Variants in CSTPP1 observed in about 807,000 individuals in gnomAD.
CSTPP1 encodes UPF0705 protein C11orf49.
chr11:46,965,819 G>T, the CSTPP1 span, among the ~76,000 whole-genome samples: 2 of 152,168 alleles, frequency 1.3e-5, no homozygotes, highest in Non-Finnish European at 2.9e-5. Context: ...TTACAGGTTA[G>T]TTGCATTGTG....
chr11:46,949,092 T>G, the CSTPP1 span, among the ~76,000 whole-genome samples: 1 of 151,796 alleles, frequency 6.6e-6, no homozygotes, highest in African/African-American at 2.4e-5. Flanking sequence ...AAGATAAACT[T>G]GTGGAGTTCC....
the CSTPP1 span, among the ~76,000 whole-genome samples, chr11:47,106,349 AGT>A: frequency 1.3e-5 from 2 of 152,230 alleles, no homozygotes; most frequent in Admixed American, 1.3e-4. Context: ...AAAGGATGAA[AGT>A]GAAACAGCTA....
chr11:47,073,943 G>A, the CSTPP1 span, among the ~76,000 whole-genome samples: 149,995 of 152,320 alleles, frequency 0.98, 73,898 homozygotes, highest in Middle Eastern at 1. Flanking sequence ...GTGTAACACT[G>A]TCATCTCTGT....
chr11:46,989,160 G>T, the CSTPP1 span, among the ~76,000 whole-genome samples: 5 of 151,924 alleles, frequency 3.3e-5, no homozygotes. Flanking sequence ...AACCCAGTAG[G>T]CAGAGGTGGC....
chr11:47,041,588 G>T, the CSTPP1 span: 1 of 405,238 alleles, frequency 2.5e-6, no homozygotes, highest in Non-Finnish European at 5.0e-6. Context: ...TTGATGCCGG[G>T]AAAGGCGCTC....
the CSTPP1 span, among the ~76,000 whole-genome samples, chr11:47,037,396 T>A: frequency 0.18 from 22,360 of 122,082 alleles, 6,260 homozygotes; most frequent in African/African-American, 0.5. Context: ...ATTATTATTT[T>A]TTTTTTTTAA....
the CSTPP1 span, chr11:47,157,712 T>A: frequency 9.1e-7 from 1 of 1,103,734 alleles, no homozygotes; most frequent in Non-Finnish European, 1.3e-6. Context: ...CCAAGGCAGG[T>A]CCCTGGCTTG....
the CSTPP1 span, among the ~76,000 whole-genome samples, chr11:46,946,817 T>C: frequency 1.4e-3 from 208 of 152,378 alleles, 2 homozygotes; most frequent in East Asian, 1.5e-3. Context: ...CTTATTAGAA[T>C]GTGAGCCATG....
chr11:47,010,182 C>G, the CSTPP1 span, among the ~76,000 whole-genome samples: 1 of 152,026 alleles, frequency 6.6e-6, no homozygotes, highest in Non-Finnish European at 1.5e-5. Context: ...CTCCGGGAAG[C>G]GAAGACTACT....
the CSTPP1 span, among the ~76,000 whole-genome samples, chr11:46,971,504 A>C: frequency 6.6e-6 from 1 of 152,272 alleles, no homozygotes. Flanking sequence ...ACCCTAAGGA[A>C]GTAACTCAAA....
At chr11:46,998,057 G>A in the CSTPP1 span, among the ~76,000 whole-genome samples, 19 of 152,120 alleles carry the variant, frequency 1.2e-4, no homozygotes, top group South Asian at 2.1e-4. Flanking sequence ...CTCAAACTCC[G>A]TGCTGGGAGA....
the CSTPP1 span, among the ~76,000 whole-genome samples, chr11:47,035,961 T>C: frequency 6.7e-6 from 1 of 148,758 alleles, no homozygotes; most frequent in African/African-American, 2.5e-5. Flanking sequence ...GAAAAAAATA[T>C]GCACACAGGA....
the CSTPP1 span, among the ~76,000 whole-genome samples, chr11:47,025,073 T>A: frequency 6.6e-6 from 1 of 152,000 alleles, no homozygotes; most frequent in African/African-American, 2.4e-5. Flanking sequence ...ATTTTAGGAG[T>A]TCCTAGTTAC....
At chr11:46,947,188 A>G in the CSTPP1 span, among the ~76,000 whole-genome samples, 1 of 152,196 alleles carries the variant, frequency 6.6e-6, no homozygotes, top group African/African-American at 2.4e-5. Flanking sequence ...GATTTTCTAC[A>G]ATTTTGGAGC....
At chr11:47,054,115 C>T in the CSTPP1 span, among the ~76,000 whole-genome samples, 1 of 151,038 alleles carries the variant, frequency 6.6e-6, no homozygotes, top group Non-Finnish European at 1.5e-5. Flanking sequence ...CGAGACCATC[C>T]TGGCTAACAT....
At chr11:46,986,643 A>G in the CSTPP1 span, among the ~76,000 whole-genome samples, 1 of 152,024 alleles carries the variant, frequency 6.6e-6, no homozygotes, top group East Asian at 1.9e-4. Flanking sequence ...TAATTTTTGT[A>G]TTATTGGTAG....
chr11:47,056,599 A>C, the CSTPP1 span, among the ~76,000 whole-genome samples: 3 of 152,304 alleles, frequency 2.0e-5, no homozygotes, highest in African/African-American at 4.8e-5. Context: ...TATCCTTCTT[A>C]ATCAGACAGC....
the CSTPP1 span, among the ~76,000 whole-genome samples, chr11:47,101,672 C>G: frequency 1.3e-5 from 2 of 151,982 alleles, no homozygotes; most frequent in African/African-American, 4.8e-5. Flanking sequence ...GCTCATGAAA[C>G]AGTAACCTTT....
At chr11:47,122,091 A>AAAAAAAAAAAAAATATATATAT in the CSTPP1 span, among the ~76,000 whole-genome samples, 2 of 31,832 alleles carry the variant, frequency 6.3e-5, no homozygotes, top group Admixed American at 4.9e-4. Flanking sequence ...AAAAAAAAAA[A>AAAAAAAAAAAAAATATATATAT]ATATATATAT....
Sources: allele counts gnomAD v4.1 joint callset (sites outside exome capture counted in the v4.1 genomes callset), GRCh38; gene constraint gnomAD v4.1.1; transcripts MANE v1.5; gene names NCBI Gene and HGNC (gene_info 2026-07-23, HGNC 2026-07-21).